Variants in PCLO observed in about 807,000 individuals in gnomAD.
PCLO encodes piccolo presynaptic cytomatrix protein.
PCLO carries 82 observed loss-of-function variants against 427.5 expected under a neutral mutation model. The observed-to-expected ratio is 0.19, with a 90% CI of 0.16 to 0.23. PCLO has a LOEUF of 0.23. Ranked by LOEUF, PCLO falls within the 10% of genes least tolerant of loss-of-function variation. PCLO has a pLI of 1.00. For missense variants in PCLO, 6,239 were observed against 6,115.9 expected (o/e 1.02, Z -0.67); for synonymous variants, 2,357 against 2,155.4 (o/e 1.09, Z -2.59).
chr7:83,042,228 A>G (rs530467728), intron 3 of PCLO, among the ~76,000 whole-genome samples: 3 of 152,304 alleles, frequency 2.0e-5, no homozygotes, highest in African/African-American at 7.2e-5. Flanking sequence ...ATTTTCAAGC[A>G]TCTTTCAATT....
intron 20 of PCLO, among the ~76,000 whole-genome samples, chr7:82,806,832 A>C (rs1479317724): frequency 2.6e-5 from 4 of 151,992 alleles, no homozygotes; most frequent in Non-Finnish European, 4.4e-5. Context: ...CCAGTAACTT[A>C]CTCTTCTTCC....
intron 3 of PCLO, among the ~76,000 whole-genome samples, chr7:83,097,451 GGCGGA>G (rs1157281265): frequency 3.4e-5 from 5 of 146,440 alleles, no homozygotes; most frequent in Non-Finnish European, 6.0e-5. Context: ...GAACCCGGGA[GGCGGA>G]GCTTGCAGTG....
chr7:82,826,323 G>A (rs1361864594), intron 18 of PCLO, among the ~76,000 whole-genome samples: 1 of 151,940 alleles, frequency 6.6e-6, no homozygotes, highest in African/African-American at 2.4e-5. Context: ...ATCTCATTTG[G>A]ACTCACAGTA....
intron 3 of PCLO, among the ~76,000 whole-genome samples, chr7:83,099,078 C>T (rs1415183906): frequency 6.6e-6 from 1 of 151,628 alleles, no homozygotes; most frequent in Admixed American, 6.6e-5. Flanking sequence ...TACAAAAACG[C>T]TAACCATATA....
At chr7:82,879,253 G>A in intron 10 of PCLO, 84 bp downstream of exon 10, 1 of 1,203,684 alleles carries the variant, frequency 8.3e-7, no homozygotes, top group African/African-American at 1.5e-5. Flanking sequence ...CACAGAGAAG[G>A]ATGAGAACAT....
intron 3 of PCLO, among the ~76,000 whole-genome samples, chr7:83,008,569 C>T (rs544783177): frequency 6.9e-5 from 5 of 72,058 alleles, no homozygotes; most frequent in Non-Finnish European, 9.7e-5. Flanking sequence ...GCAAAGTTCA[C>T]GGTCTTTCCA....
At chr7:82,828,388 G>A (rs1562805071) in intron 16 of PCLO, among the ~76,000 whole-genome samples, 1 of 152,064 alleles carries the variant, frequency 6.6e-6, no homozygotes, top group Non-Finnish European at 1.5e-5. Flanking sequence ...AGTGTACTGA[G>A]AAAAAGATGA....
intron 3 of PCLO, among the ~76,000 whole-genome samples, chr7:83,104,239 C>T (rs1360824017): frequency 3.3e-5 from 5 of 151,930 alleles, no homozygotes; most frequent in Non-Finnish European, 7.4e-5. Context: ...TGTGAGTTTA[C>T]ATTTGGTCAC....
At chr7:83,024,222 C>T (rs1034015576) in intron 3 of PCLO, among the ~76,000 whole-genome samples, 3 of 152,172 alleles carry the variant, frequency 2.0e-5, no homozygotes, top group Admixed American at 6.5e-5. Flanking sequence ...GAGTGCCAGA[C>T]AGTGGGCTCA....
At chr7:82,917,087 C>T (rs1047996836) in intron 6 of PCLO, among the ~76,000 whole-genome samples, 31 of 152,024 alleles carry the variant, frequency 2.0e-4, no homozygotes, top group Non-Finnish European at 4.3e-4. Context: ...ATTATAACTC[C>T]TACATTAGCA....
intron 10 of PCLO, chr7:82,868,329 T>C: frequency 5.3e-6 from 2 of 374,772 alleles, no homozygotes; most frequent in South Asian, 3.9e-5. Context: ...TACCAAAGAC[T>C]TTTTCATGAC....
At chr7:83,078,276 C>T (rs1281039513) in intron 3 of PCLO, among the ~76,000 whole-genome samples, 1 of 152,068 alleles carries the variant, frequency 6.6e-6, no homozygotes. Context: ...GCCTCACTCT[C>T]AAGGAGTTAT....
At chr7:83,103,226 T>C (rs1790778031) in intron 3 of PCLO, among the ~76,000 whole-genome samples, 1 of 151,980 alleles carries the variant, frequency 6.6e-6, no homozygotes, top group Non-Finnish European at 1.5e-5. Flanking sequence ...TCTACTCCAA[T>C]CTATTTTTAA....
rs1375562854 is a variant in PCLO, at chr7:82,777,985, TG to T, written c.15008-16493del. Among the ~76,000 whole-genome samples, 2 of 152,046 alleles carry T rather than the reference TG, an allele frequency of 1.3e-5. 1 individual carries two copies. Among genetic ancestry groups the T allele is most frequent in the African/African-American group, 4.8e-5 (2 of 41,390 alleles). ...GAGAGGAAACAGACAAACTACAGAA[TG>T]GGAGAAAATTTTTGCAAACTATGCA... On this transcript the variant is annotated intron_variant, in intron 22 of 24. Transcript: ENST00000333891.
chr7:82,988,571 G>C (rs1796305186), intron 3 of PCLO, among the ~76,000 whole-genome samples: 1 of 151,144 alleles, frequency 6.6e-6, no homozygotes, highest in Non-Finnish European at 1.5e-5. Context: ...TATAACATGA[G>C]TACAATCAGT....
At chr7:83,024,654 G>A (rs1245448035) in intron 3 of PCLO, among the ~76,000 whole-genome samples, 4 of 152,218 alleles carry the variant, frequency 2.6e-5, no homozygotes, top group Non-Finnish European at 2.9e-5. Context: ...CTGGGGGCAG[G>A]ACACAGACAA....
intron 24 of PCLO, among the ~76,000 whole-genome samples, 164 bp downstream of exon 24, chr7:82,760,475 G>A (rs1276293129): frequency 2.0e-5 from 3 of 151,938 alleles, no homozygotes; most frequent in Admixed American, 6.6e-5. Context: ...GGGTGAGTGG[G>A]CTGTGGAATT....
At chr7:82,780,375 T>A (rs1790846548) in intron 22 of PCLO, among the ~76,000 whole-genome samples, 1 of 152,228 alleles carries the variant, frequency 6.6e-6, no homozygotes, top group Non-Finnish European at 1.5e-5. Context: ...ATTGCTATGG[T>A]TCCCCACTTC....
intron 3 of PCLO, among the ~76,000 whole-genome samples, chr7:83,129,426 A>C (rs933382710): frequency 7.2e-5 from 11 of 152,198 alleles, no homozygotes; most frequent in Non-Finnish European, 1.3e-4. Flanking sequence ...GCAAAGGAAC[A>C]ATATTACAGC....
Sources: allele counts gnomAD v4.1 joint callset (sites outside exome capture counted in the v4.1 genomes callset), GRCh38; gene constraint gnomAD v4.1.1; transcripts MANE v1.5; gene names NCBI Gene and HGNC (gene_info 2026-07-23, HGNC 2026-07-21).